Variants in OSBPL9 observed in about 807,000 individuals in gnomAD.
OSBPL9 encodes oxysterol-binding protein-related protein 9.
Under a neutral mutation model 106.6 loss-of-function variants are expected in OSBPL9, and 40 were observed. That is an observed-to-expected ratio of 0.38 (90% CI 0.29 to 0.49). OSBPL9 has a LOEUF of 0.49. Ranked by LOEUF, OSBPL9 falls within the 20% of genes least tolerant of loss-of-function variation. OSBPL9 has a pLI of 0.97. For missense variants in OSBPL9, 609 were observed against 887.2 expected (o/e 0.69, Z 3.98); for synonymous variants, 269 against 295.4 (o/e 0.91, Z 0.92).
At chr1:51,633,005 CTG>C (rs1227640041) in intron 1 of OSBPL9, among the ~76,000 whole-genome samples, 1 of 151,988 alleles carries the variant, frequency 6.6e-6, no homozygotes, top group African/African-American at 2.4e-5. Context: ...GAGTCTTACT[CTG>C]TCCTCCAGGC....
At chr1:51,585,578 C>A (rs1468158214) in intron 1 of OSBPL9, among the ~76,000 whole-genome samples, 3 of 152,084 alleles carry the variant, frequency 2.0e-5, no homozygotes, top group African/African-American at 7.2e-5. Flanking sequence ...GAGTTCGAGA[C>A]CAGCCTGACC....
intron 4 of OSBPL9, among the ~76,000 whole-genome samples, chr1:51,728,022 A>G (rs1663442747): frequency 6.6e-6 from 1 of 152,202 alleles, no homozygotes; most frequent in Non-Finnish European, 1.5e-5. Context: ...GACAGTATAA[A>G]AGAAATAACA....
intron 4 of OSBPL9, among the ~76,000 whole-genome samples, chr1:51,717,488 A>C (rs963942054): frequency 2.0e-5 from 3 of 152,012 alleles, no homozygotes; most frequent in Non-Finnish European, 4.4e-5. Flanking sequence ...CTGGCCATTT[A>C]GTACTTTCTT....
intron 22 of OSBPL9, 64 bp from the exon 23 acceptor site, chr1:51,787,289 T>G: frequency 6.7e-7 from 1 of 1,497,106 alleles, no homozygotes; most frequent in Non-Finnish European, 9.3e-7. Flanking sequence ...TATTATACTA[T>G]ATTCAGGATG....
upstream of OSBPL9, among the ~76,000 whole-genome samples, chr1:51,615,491 A>C (rs1383468923): frequency 6.6e-6 from 1 of 152,086 alleles, no homozygotes; most frequent in African/African-American, 2.4e-5. Flanking sequence ...TGCCAACACA[A>C]AAAGAGGTCT....
intron 3 of OSBPL9, among the ~76,000 whole-genome samples, chr1:51,674,496 A>C (rs1022194274): frequency 2.6e-5 from 4 of 152,180 alleles, no homozygotes; most frequent in African/African-American, 7.2e-5. Context: ...TCTTATGTTT[A>C]AGGTGTCTGT....
intron 14 of OSBPL9, 98 bp downstream of exon 14, chr1:51,772,821 C>A (rs547008031): frequency 3.6e-6 from 3 of 831,788 alleles, no homozygotes; most frequent in Non-Finnish European, 6.2e-6. Context: ...GACATAATTT[C>A]TTTTTATACC....
chr1:51,682,050 A>G (rs1312597822), intron 3 of OSBPL9, among the ~76,000 whole-genome samples: 1 of 152,034 alleles, frequency 6.6e-6, no homozygotes, highest in Non-Finnish European at 1.5e-5. Context: ...AAAAATACAA[A>G]AATTAGCCAG....
At chr1:51,786,230 T>C in intron 21 of OSBPL9, 1 of 446,172 alleles carries the variant, frequency 2.2e-6, no homozygotes, top group East Asian at 4.3e-5. Flanking sequence ...AGCACTAAAC[T>C]GTGTGTTTCC....
At chr1:51,608,041 C>T (rs935885704) in intron 2 of OSBPL9, among the ~76,000 whole-genome samples, 6 of 152,176 alleles carry the variant, frequency 3.9e-5, no homozygotes, top group African/African-American at 9.7e-5. Flanking sequence ...TTGGGCGGGC[C>T]GCATACACTG....
intron 2 of OSBPL9, among the ~76,000 whole-genome samples, chr1:51,601,280 TTAGA>T (rs1366050544): frequency 1.3e-5 from 2 of 152,202 alleles, no homozygotes; most frequent in Non-Finnish European, 2.9e-5. Context: ...GTCCTGGGAA[TTAGA>T]TAGGAGATTA....
chr1:51,746,888 G>A, intron 6 of OSBPL9, 131 bp downstream of exon 6: 1 of 635,744 alleles, frequency 1.6e-6, no homozygotes, highest in Non-Finnish European at 2.7e-6. Context: ...CTGCCATATG[G>A]ACCTCAAGGG....
At chr1:51,537,382 G>C in the OSBPL9 span, among the ~76,000 whole-genome samples, 2 of 151,868 alleles carry the variant, frequency 1.3e-5, no homozygotes, top group African/African-American at 4.8e-5. Flanking sequence ...TCACTGCCTA[G>C]TCCTGAAAAT....
chr1:51,636,536 C>T (rs1645462223), intron 1 of OSBPL9, among the ~76,000 whole-genome samples: 2 of 152,008 alleles, frequency 1.3e-5, no homozygotes, highest in African/African-American at 4.8e-5. Flanking sequence ...TGGGGTTTCA[C>T]CATGTTGTCC....
At chr1:51,681,023 TTTG>T (rs200933918) in intron 3 of OSBPL9, among the ~76,000 whole-genome samples, 2,403 of 152,340 alleles carry the variant, frequency 0.016, 23 homozygotes, top group Non-Finnish European at 0.025. Context: ...TGACCATTTT[TTTG>T]TTGTTGTTCA....
intron 4 of OSBPL9, among the ~76,000 whole-genome samples, chr1:51,718,030 A>G (rs1661386435): frequency 6.6e-6 from 1 of 152,218 alleles, no homozygotes; most frequent in South Asian, 2.1e-4. Flanking sequence ...TCAGCTGTGA[A>G]AAAGAATGAA....
At chr1:51,730,042 ACCCCTGAGTCCCCGGGGT>A (rs756375483) in intron 4 of OSBPL9, 9 of 1,294,686 alleles carry the variant, frequency 7.0e-6, no homozygotes, top group Non-Finnish European at 8.9e-6. Flanking sequence ...GCCGGCCCCT[ACCCCTGAGTCCCCGGGGT>A]CCCGGCCGCC....
In OSBPL9 at chr1:51,712,138, A is replaced by G. The variant is rs540919394; in HGVS notation, c.242-1865A>G. ...CCTGGGCACCATTGAGCACTGAGTGAACGAGACTCCGTCTGCAATCCCGGC... is the reference window on the plus strand; with the variant it reads ...CCTGGGCACCATTGAGCACTGAGTGGACGAGACTCCGTCTGCAATCCCGGC... On this transcript the variant is annotated intron_variant, in intron 3 of 23. Coordinates refer to ENST00000428468, the MANE Select transcript of OSBPL9 (RefSeq NM_024586.6). Among the ~76,000 whole-genome samples the G allele has an allele frequency of 6.5e-3, 987 of 152,234 alleles. 4 individuals carry two copies. The highest frequency in any genetic ancestry group is 0.014 in the Admixed American group (210 of 15,300).
chr1:51,653,128 G>A (rs1281552299), intron 2 of OSBPL9, among the ~76,000 whole-genome samples: 1 of 152,018 alleles, frequency 6.6e-6, no homozygotes, highest in East Asian at 1.9e-4. Flanking sequence ...AATGAGACAG[G>A]CTTGTTTCAA....
Sources: gnomAD v4.1 joint callset for allele counts (sites outside exome capture counted in the v4.1 genomes callset) on GRCh38, gnomAD v4.1.1 for gene constraint, MANE v1.5 for transcripts, NCBI Gene and HGNC (gene_info 2026-07-23, HGNC 2026-07-21) for gene names.